Variants in LPP observed in about 807,000 individuals in gnomAD.
LPP encodes lipoma-preferred partner.
In LPP, 38 loss-of-function variants were observed where a neutral mutation model predicts 60.4. That is an observed-to-expected ratio of 0.63 (90% confidence interval 0.49 to 0.83). The LOEUF is 0.83. LPP is among the 40% of genes least tolerant of loss of function. LPP has a pLI of 0.00. For missense variants in LPP, 902 were observed against 783.6 expected (o/e 1.15, Z -1.80); for synonymous variants, 328 against 290.8 (o/e 1.13, Z -1.30).
intron 5 of LPP, among the ~76,000 whole-genome samples, chr3:188,491,827 T>C (rs1157830124): frequency 6.6e-6 from 1 of 152,228 alleles, no homozygotes; most frequent in Non-Finnish European, 1.5e-5. Context: ...CTTTTGACAG[T>C]AGCCGACCTA....
At chr3:188,619,696 T>G (rs894566439) in intron 7 of LPP, among the ~76,000 whole-genome samples, 1 of 152,240 alleles carries the variant, frequency 6.6e-6, no homozygotes, top group African/African-American at 2.4e-5. Flanking sequence ...AGAAAAACAT[T>G]GTTGACTGCT....
chr3:188,412,038 C>G (rs1785032652), intron 4 of LPP, among the ~76,000 whole-genome samples: 1 of 151,558 alleles, frequency 6.6e-6, no homozygotes, highest in Non-Finnish European at 1.5e-5. Context: ...TTTTATCCAT[C>G]ATTAAAATAG....
At chr3:188,521,605 A>T (rs1464453432) in intron 5 of LPP, among the ~76,000 whole-genome samples, 1 of 152,224 alleles carries the variant, frequency 6.6e-6, no homozygotes, top group Non-Finnish European at 1.5e-5. Flanking sequence ...TATATTATTC[A>T]TATTAATTTA....
At chr3:188,698,001 C>T (rs111515136) in intron 7 of LPP, among the ~76,000 whole-genome samples, 6,144 of 152,266 alleles carry the variant, frequency 0.04, 177 homozygotes, top group South Asian at 0.11. Flanking sequence ...GGAGCCGTGG[C>T]AACCGAAACT....
intron 7 of LPP, among the ~76,000 whole-genome samples, chr3:188,697,607 A>C (rs1439906497): frequency 6.6e-6 from 1 of 152,182 alleles, no homozygotes; most frequent in Non-Finnish European, 1.5e-5. Context: ...ACTAAAGAAA[A>C]GTCTGGAACC....
chr3:188,187,549 T>A (rs931222115), intron 1 of LPP, among the ~76,000 whole-genome samples: 4 of 152,142 alleles, frequency 2.6e-5, no homozygotes, highest in Admixed American at 2.6e-4. Context: ...TTTTCTACCA[T>A]ATCTCTTATG....
chr3:188,566,012 T>C (rs533948393), intron 6 of LPP, among the ~76,000 whole-genome samples: 5 of 151,962 alleles, frequency 3.3e-5, no homozygotes, highest in Non-Finnish European at 5.9e-5. Context: ...TAGTTTAACC[T>C]GCGTGTGAGA....
chr3:188,433,599 TGAGAGA>T (rs59204304), intron 4 of LPP, among the ~76,000 whole-genome samples: 7,311 of 137,402 alleles, frequency 0.053, 567 homozygotes, highest in African/African-American at 0.18. Flanking sequence ...AGACAGAAAG[TGAGAGA>T]GAGAGAGAGA....
intron 4 of LPP, among the ~76,000 whole-genome samples, chr3:188,474,752 A>C (rs1802750800): frequency 6.6e-6 from 1 of 152,128 alleles, no homozygotes; most frequent in Non-Finnish European, 1.5e-5. Flanking sequence ...TTCATTTTTA[A>C]ACCGAGGTAA....
At chr3:188,332,927 T>A in intron 2 of LPP, among the ~76,000 whole-genome samples, 1 of 30,696 alleles carries the variant, frequency 3.3e-5, no homozygotes, top group African/African-American at 1.3e-4. Context: ...CCCACCCCAG[T>A]TGCATGCATG....
chr3:188,659,378 G>A (rs1224573996), intron 7 of LPP, among the ~76,000 whole-genome samples: 2 of 152,118 alleles, frequency 1.3e-5, no homozygotes, highest in African/African-American at 4.8e-5. Context: ...CTATAAAATA[G>A]GATTACTCAT....
intron 7 of LPP, among the ~76,000 whole-genome samples, chr3:188,622,889 G>A (rs986282893): frequency 8.6e-5 from 13 of 151,896 alleles, no homozygotes; most frequent in Admixed American, 7.2e-4. Context: ...TTAGCCAGGC[G>A]TGGTGGCGCA....
intron 2 of LPP, among the ~76,000 whole-genome samples, chr3:188,267,919 G>A (rs970064328): frequency 6.6e-6 from 1 of 152,072 alleles, no homozygotes; most frequent in Admixed American, 6.6e-5. Flanking sequence ...ACTCAGCTGA[G>A]TGGTAGTCCT....
intron 1 of LPP, among the ~76,000 whole-genome samples, chr3:188,154,681 T>C (rs1217734350): frequency 6.6e-6 from 1 of 152,252 alleles, no homozygotes; most frequent in Non-Finnish European, 1.5e-5. Flanking sequence ...AGTTATTTAC[T>C]AGAGGCCAGA....
At chr3:188,322,817 C>T (rs753693097) in intron 2 of LPP, among the ~76,000 whole-genome samples, 2 of 152,204 alleles carry the variant, frequency 1.3e-5, no homozygotes, top group South Asian at 4.1e-4. Flanking sequence ...TAGACAATGT[C>T]TGCCTCACAA....
intron 2 of LPP, among the ~76,000 whole-genome samples, chr3:188,232,504 AT>A (rs71634069): frequency 0.032 from 3,285 of 103,246 alleles, 112 homozygotes; most frequent in African/African-American, 0.089. Flanking sequence ...ACACCCGGCT[AT>A]TTTTTTTTTT....
chr3:188,425,492 C>T (rs1424676255), intron 4 of LPP, among the ~76,000 whole-genome samples: 2 of 152,076 alleles, frequency 1.3e-5, no homozygotes, highest in African/African-American at 4.8e-5. Context: ...CCCTCTTTTT[C>T]TATTGTTTGG....
intron 6 of LPP, among the ~76,000 whole-genome samples, chr3:188,570,559 A>G (rs779182680): frequency 9.2e-5 from 14 of 152,104 alleles, no homozygotes; most frequent in Non-Finnish European, 2.1e-4. Context: ...ACGCTACACA[A>G]AGGACTGTAA....
intron 1 of LPP, among the ~76,000 whole-genome samples, chr3:188,210,445 A>G (rs901350821): frequency 6.6e-6 from 1 of 152,234 alleles, no homozygotes; most frequent in Non-Finnish European, 1.5e-5. Flanking sequence ...TCTGATGGAA[A>G]GATGGAATTT....
Sources: allele counts gnomAD v4.1 joint callset (sites outside exome capture counted in the v4.1 genomes callset), GRCh38; gene constraint gnomAD v4.1.1; transcripts MANE v1.5; gene names NCBI Gene and HGNC (gene_info 2026-07-23, HGNC 2026-07-21).